Variants in KIAA1549 observed in about 807,000 individuals in gnomAD.
KIAA1549 encodes the protein UPF0606 protein KIAA1549.
A neutral mutation model predicts 156.4 loss-of-function variants in KIAA1549; 70 were observed. The ratio of observed to expected loss-of-function variants is 0.45; its 90% CI spans 0.37 to 0.55. The LOEUF (loss-of-function observed/expected upper bound fraction) is 0.55, where lower values mean the gene tolerates loss of function less well. KIAA1549 is among the 20% of genes least tolerant of loss of function. The pLI is 0.00. For synonymous variants in KIAA1549, 1,103 were observed against 1,066.4 expected, an observed-to-expected ratio of 1.03 and a Z score of -0.67; for missense variants, 2,428 against 2,540.9, an observed-to-expected ratio of 0.96 and a Z score of 0.96.
rs906143559 is a variant in KIAA1549, at chr7:138,981,183, G to A, written c.87C>T (p.Gly29=). Residue 29 remains glycine, a synonymous_variant, in exon 1 of 20, where the codon GGC becomes GGT. Coordinates refer to ENST00000422774, the MANE Select transcript of KIAA1549 (RefSeq NM_001164665.2). This position sits in a 1 kb window ranked among gnomAD's most constrained non-coding sequence, Gnocchi z 4.5. ...AGVALAPGPS[G]RRPSARCARR... ...GGGCGCAGCGGGCGGAAGGCCGTCG[G>A]CCGCTCGGCCCCGGGGCCAGCGCGA... 46 of 1,124,742 alleles carry A rather than the reference G, an allele frequency of 4.1e-5. No homozygotes were observed. In the African/African-American group the frequency reaches 7.0e-4, roughly 17 times the overall value. 69.7% of individuals were successfully genotyped at this position (1,124,742 alleles called of 1,614,324 possible). A position where few individuals can be genotyped will look rare whatever the true frequency, so the allele number is the denominator to read the frequency against.
rs1813392477 is a variant in KIAA1549, at chr7:138,948,305, T to C, written c.188-28867A>G. Reference sequence around the variant, plus strand: ...GAGACAGACACACATGGAGGGAAGATGGTGTGAACACACAGGACGAAGACA... The same window carrying C: ...GAGACAGACACACATGGAGGGAAGACGGTGTGAACACACAGGACGAAGACA... On this transcript the variant is annotated intron_variant, in intron 1 of 19. Transcript: ENST00000422774. 2.0e-5 allele frequency among the ~76,000 whole-genome samples: 3 copies of C among 151,988 alleles called. No individual in the cohort carries two copies. The South Asian group carries it at 6.2e-4, about 32-fold the overall frequency.
At position 138,844,330 on chromosome 7, in the gene KIAA1549, G is replaced by A. The variant is rs1810007671; in HGVS notation, c.5439C>T (p.Val1813=). 9 of 1,613,906 alleles carry A rather than the reference G, an allele frequency of 5.6e-6. No individual in the cohort carries two copies. The highest frequency in any genetic ancestry group is 1.3e-5 in the African/African-American group (1 of 75,042). The change falls in exon 18 of 20, where the codon GTC becomes GTT. Residue 1813 remains valine (V), a synonymous_variant. Coordinates refer to ENST00000422774, the MANE Select transcript of KIAA1549 (RefSeq NM_001164665.2). ...EMPSVARPRP[V]GGTTGSQIQH... is the part of the protein sequence containing the mutation. ...AGCCACATATACCTGTGGTACCCCC[G>A]ACAGGCCGAGGCCGGGCCACCGACG... is the stretch of plus-strand genomic sequence containing the variant.
chr7:138,926,626 G>A (rs1324366384), intron 1 of KIAA1549, among the ~76,000 whole-genome samples: 1 of 152,022 alleles, frequency 6.6e-6, no homozygotes, highest in African/African-American at 2.4e-5. Context: ...GTCCTAGGCA[G>A]ATTTTTAGTG....
intron 1 of KIAA1549, among the ~76,000 whole-genome samples, chr7:138,976,839 G>C (rs114516266): frequency 1.5e-3 from 221 of 152,324 alleles, no homozygotes; most frequent in African/African-American, 5.1e-3. Context: ...TTAAAATGAA[G>C]ATTCCCAGGC....
At chr7:138,840,338 G>A (rs1385744088) in intron 18 of KIAA1549, 60 bp from the exon 19 acceptor site, 4 of 1,477,238 alleles carry the variant, frequency 2.7e-6, no homozygotes, top group Non-Finnish European at 3.7e-6. Context: ...GGCTGCTGAG[G>A]ATGGCTGCCG....
chr7:138,903,599 T>C lies in KIAA1549; in HGVS notation c.3658A>G (p.Ser1220Gly), dbSNP rs781189212. The C allele has an allele frequency of 6.2e-7, 1 of 1,613,700 alleles. No homozygotes were observed. The highest frequency in any genetic ancestry group is 2.2e-5 in the East Asian group (1 of 44,872). ...WRRATVAAGNSVVQVVNVSRL... is the reference protein window; with the variant it reads ...WRRATVAAGNGVVQVVNVSRL... The stretch of plus-strand genomic sequence containing the variant: ...TTGATGTGGAGTACCTGCACCACAC[T>C]GTTCCCTGCAGCTACAGTGGCCCTT... The change falls in exon 8 of 20, where the codon AGT (serine) becomes GGT (glycine). Residue 1220 changes from serine (S) to glycine (G), a missense_variant. Ser to Gly is a moderately conservative substitution (Grantham distance 56). Coordinates refer to ENST00000422774, the MANE Select transcript of KIAA1549 (RefSeq NM_001164665.2).
chr7:138,949,001 G>A (rs115019183), intron 1 of KIAA1549, among the ~76,000 whole-genome samples: 5,501 of 152,142 alleles, frequency 0.036, 330 homozygotes, highest in African/African-American at 0.13. Flanking sequence ...CACCGCGCCC[G>A]GCCAGGGTTT....
At chr7:138,922,339 A>T (rs1219181782) in intron 1 of KIAA1549, among the ~76,000 whole-genome samples, 1 of 152,238 alleles carries the variant, frequency 6.6e-6, no homozygotes. Context: ...GTATTCCTGC[A>T]GCTAGAGTTG....
intron 1 of KIAA1549, among the ~76,000 whole-genome samples, chr7:138,920,003 T>C (rs1318313144): frequency 1.3e-5 from 2 of 152,174 alleles, no homozygotes; most frequent in Non-Finnish European, 2.9e-5. Context: ...ACACAGTTGC[T>C]GAGGCTTCCA....
At chr7:138,952,976 G>GT (rs1367667131) in intron 1 of KIAA1549, among the ~76,000 whole-genome samples, 1 of 152,198 alleles carries the variant, frequency 6.6e-6, no homozygotes, top group Non-Finnish European at 1.5e-5. Context: ...GGATTTACCC[G>GT]TAAGGACAAA....
In KIAA1549 at chr7:138,840,218, A is replaced by G. The variant is rs199665965; in HGVS notation, c.5513T>C (p.Val1838Ala). Residue 1838 changes from valine to alanine, a missense_variant, in exon 19 of 20, where the codon GTG becomes GCG. Coordinates refer to ENST00000422774, the MANE Select transcript of KIAA1549 (RefSeq NM_001164665.2). ...GCTGCCTCTGCTTGGCGGGATTTCC[A>G]CTGGCTGAGCTCCAATTCTGCTGGC... ...GIASRIGAQP[V>A]EIPPSRGSQY... 114 of 1,582,168 alleles carry G rather than the reference A, an allele frequency of 7.2e-5. 1 individual carries two copies. In the African/African-American group the frequency reaches 1.4e-3, roughly 20 times the overall value.
chr7:138,973,666 T>C (rs1814288099), intron 1 of KIAA1549, among the ~76,000 whole-genome samples: 1 of 152,140 alleles, frequency 6.6e-6, no homozygotes, highest in South Asian at 2.1e-4. Flanking sequence ...TTTTTTTGTT[T>C]TAAGTTCTTG....
intron 1 of KIAA1549, among the ~76,000 whole-genome samples, chr7:138,919,795 A>G (rs1812505658): frequency 6.6e-6 from 1 of 152,064 alleles, no homozygotes; most frequent in Admixed American, 6.6e-5. Context: ...AGGTTTCCAG[A>G]AGGTAAATAA....
At chr7:138,955,431 T>A (rs1013402367) in intron 1 of KIAA1549, among the ~76,000 whole-genome samples, 13 of 151,958 alleles carry the variant, frequency 8.6e-5, no homozygotes, top group Non-Finnish European at 1.9e-4. Flanking sequence ...GTCAAATTCA[T>A]AGAGACAGAA....
chr7:138,947,988 C>A (rs1435745715), intron 1 of KIAA1549, among the ~76,000 whole-genome samples: 3 of 152,072 alleles, frequency 2.0e-5, no homozygotes. Context: ...GTCTCAAACT[C>A]CTGGACTCAA....
chr7:138,909,860 T>C (rs770562988), intron 4 of KIAA1549, among the ~76,000 whole-genome samples: 7 of 151,978 alleles, frequency 4.6e-5, no homozygotes, highest in Non-Finnish European at 5.9e-5. Flanking sequence ...GGCAAGAGAA[T>C]TGCCTGAGCC....
At chr7:138,911,565 G>A (rs1462816663) in intron 3 of KIAA1549, among the ~76,000 whole-genome samples, 1 of 152,156 alleles carries the variant, frequency 6.6e-6, no homozygotes, top group Non-Finnish European at 1.5e-5. Context: ...ATGAGTTATA[G>A]GGCATTCAAG....
In KIAA1549 at chr7:138,832,244, T is replaced by A. The variant is rs1809558036; in HGVS notation, c.*5662A>T. The A allele has an allele frequency of 1.0e-5, 2 of 198,884 alleles. No individual in the cohort carries two copies. The highest frequency in any genetic ancestry group is 2.0e-5 in the Non-Finnish European group (2 of 99,068). The allele number at this position is 198,884 out of a possible 1,614,324, so 12.3% of individuals were successfully genotyped here. ...CAGGACCTCACCCTGCAGCCCAGGC[T>A]GGAGTGCAGTGGCGTGATTATAGCT... On this transcript the variant is annotated 3_prime_UTR_variant, in exon 20 of 20. Coordinates refer to ENST00000422774, the MANE Select transcript of KIAA1549 (RefSeq NM_001164665.2).
Position 138,832,190 on chromosome 7 carries a change from C to CTTTTTTTTTTTTTTTTTTTTTTTTTTTT in KIAA1549, c.*5715_*5716insAAAAAAAAAAAAAAAAAAAAAAAAAAAA, listed in dbSNP as rs1563039449. 5.4e-5 allele frequency: 9 copies of CTTTTTTTTTTTTTTTTTTTTTTTTTTTT among 168,186 alleles called. No individual in the cohort carries two copies. The highest frequency in any genetic ancestry group is 2.4e-4 in the South Asian group (1 of 4,130). The allele number at this position is 168,186 out of a possible 1,614,324, so 10.4% of individuals were successfully genotyped here. On this transcript the variant is annotated 3_prime_UTR_variant, in exon 20 of 20. Transcript: ENST00000422774. ...TTCACCTCTGTCCCTTTTACCTATT[C>CTTTTTTTTTTTTTTTTTTTTTTTTTTTT]CTTTTTTTTTTTTTTTTTTTTCCAG...
Sources: allele counts gnomAD v4.1 joint callset (sites outside exome capture counted in the v4.1 genomes callset), GRCh38; gene constraint gnomAD v4.1.1; non-coding constraint Gnocchi (gnomAD v3.1); transcripts MANE v1.5; gene names NCBI Gene and HGNC (gene_info 2026-07-23, HGNC 2026-07-21).